PIEZO2: variants seen among roughly 807,000 people sequenced by gnomAD.
The protein encoded by PIEZO2 is piezo type mechanosensitive ion channel component 2.
In PIEZO2, 172 loss-of-function variants were observed where a neutral mutation model predicts 337.3. That is an observed-to-expected ratio of 0.51 (90% confidence interval 0.45 to 0.58). PIEZO2 has a LOEUF of 0.58. Ranked by LOEUF, PIEZO2 falls within the 20% of genes least tolerant of loss-of-function variation. The pLI, the probability that PIEZO2 is intolerant of heterozygous loss-of-function variation, is 0.00. For synonymous variants in PIEZO2, 1,251 were observed against 1,228.5 expected (o/e 1.02, Z -0.38); for missense variants, 3,028 against 3,391.3 (o/e 0.89, Z 2.66).
chr18:10,921,549 C>T (rs545094081), intron 3 of PIEZO2, among the ~76,000 whole-genome samples: 13 of 152,138 alleles, frequency 8.5e-5, no homozygotes, highest in East Asian at 5.8e-4. Flanking sequence ...GGATGTATGT[C>T]GCCTCAGGAC....
At chr18:10,838,665 C>G (rs2041095994) in intron 7 of PIEZO2, among the ~76,000 whole-genome samples, 1 of 152,206 alleles carries the variant, frequency 6.6e-6, no homozygotes, top group South Asian at 2.1e-4. Context: ...CACAGGCATT[C>G]TTTCTCTGAT....
intron 2 of PIEZO2, among the ~76,000 whole-genome samples, chr18:10,994,128 A>G (rs115878592): frequency 1.8e-3 from 273 of 152,276 alleles, no homozygotes; most frequent in African/African-American, 6.3e-3. Flanking sequence ...TTCCTAAATT[A>G]CTTCATTTAC....
intron 7 of PIEZO2, among the ~76,000 whole-genome samples, chr18:10,848,986 G>C (rs12457914): frequency 0.099 from 15,003 of 152,182 alleles, 1,582 homozygotes; most frequent in African/African-American, 0.26. Context: ...TTGTCAAGAA[G>C]TGTCTTTAGA....
chr18:10,898,723 A>G (rs2042969138), intron 4 of PIEZO2, among the ~76,000 whole-genome samples: 3 of 152,132 alleles, frequency 2.0e-5, no homozygotes, highest in Admixed American at 1.3e-4. Context: ...CAGGGAAGGG[A>G]GGGTTAGCCT....
At position 10,775,846 on chromosome 18, in the gene PIEZO2, C is replaced by A. The variant is rs990750073; in HGVS notation, c.2535-1808G>T. Among the ~76,000 whole-genome samples, 2 of 152,032 alleles carry A rather than the reference C, an allele frequency of 1.3e-5. No homozygotes were observed. Among genetic ancestry groups the A allele is most frequent in the African/African-American group, 2.4e-5 (1 of 41,388 alleles). ...ATCCAACACTGCTCATTCCCTCTGA[C>A]CTTAGAGCCACAAACTCCAGACCCT... On this transcript the variant is annotated intron_variant, in intron 18 of 55. Transcript: ENST00000674853. This position sits in a 1 kb window ranked among gnomAD's most constrained non-coding sequence, Gnocchi z 4.3.
At chr18:10,774,500 G>A (rs1460118970) in intron 18 of PIEZO2, among the ~76,000 whole-genome samples, 3 of 152,144 alleles carry the variant, frequency 2.0e-5, no homozygotes, top group African/African-American at 7.2e-5. Flanking sequence ...TCTGCATCAT[G>A]TCCCCACCTG....
Position 10,861,358 on chromosome 18 carries a change from T to A in PIEZO2, c.493-4147A>T, listed in dbSNP as rs973989774. On this transcript the variant is annotated intron_variant, in intron 5 of 55. Transcript: ENST00000674853. The surrounding 1 kb of genome is among the most constrained non-coding windows in gnomAD (Gnocchi z 4.3). ...AAATGATTATACAGATTATTGACCA[T>A]GTCAAAATCTAAAACTTATTTAAAG... 6.6e-6 allele frequency among the ~76,000 whole-genome samples: 1 copy of A among 152,254 alleles called. No individual in the cohort carries two copies.
At chr18:11,013,548 A>G (rs1872032) in intron 2 of PIEZO2, among the ~76,000 whole-genome samples, 81,716 of 152,110 alleles carry the variant, frequency 0.54, 22,233 homozygotes, top group African/African-American at 0.6. Flanking sequence ...CTATCAACTC[A>G]AATAACTAAT....
intron 14 of PIEZO2, among the ~76,000 whole-genome samples, chr18:10,790,746 C>T (rs1001853557): frequency 6.7e-6 from 1 of 150,002 alleles, no homozygotes; most frequent in African/African-American, 2.4e-5. Flanking sequence ...CGCTCTGTCG[C>T]CCAGGCTGGA....
chr18:10,784,742 C>A lies in PIEZO2; in HGVS notation c.2492+42G>T. ...ACCTAAGGTAGGGTTGAAGAGCTGC[C>A]TTCCTGCTAATAAGAGGTCTGTGTT... On this transcript the variant is annotated intron_variant, in intron 17 of 55. Coordinates refer to ENST00000674853, the MANE Select transcript of PIEZO2 (RefSeq NM_001378183.1). The surrounding 1 kb of genome is among the most constrained non-coding windows in gnomAD (Gnocchi z 4.5). 6.8e-7 allele frequency: 1 copy of A among 1,461,958 alleles called. No individual in the cohort carries two copies. The highest frequency in any genetic ancestry group is 1.4e-5 in the African/African-American group (1 of 71,286). 90.6% of individuals were successfully genotyped at this position (1,461,958 alleles called of 1,614,324 possible).
chr18:10,760,678 T>C (rs2038086639), intron 24 of PIEZO2, among the ~76,000 whole-genome samples: 1 of 152,246 alleles, frequency 6.6e-6, no homozygotes, highest in African/African-American at 2.4e-5. Context: ...TAGATGGCTC[T>C]GGAGATCCAG....
rs528842214 is a variant in PIEZO2 at position 10,806,988 on chromosome 18, C to T, written c.1080+124G>A. On this transcript the variant is annotated intron_variant, in intron 8 of 55. Coordinates refer to ENST00000674853, the MANE Select transcript of PIEZO2 (RefSeq NM_001378183.1). ...CTTTGCAGAATTAAAACATCATACC[C>T]AGAACACTAGAGTTGTGTTGGAATA... The T allele has an allele frequency of 1.3e-5, 13 of 1,002,058 alleles. No homozygotes were observed. In the East Asian group the frequency reaches 3.4e-4, roughly 26 times the overall value. The allele number at this position is 1,002,058 out of a possible 1,614,324, so 62.1% of individuals were successfully genotyped here.
In PIEZO2 at chr18:10,956,589, G is replaced by C. The variant is rs146875359; in HGVS notation, c.286+22946C>G. 2.2e-3 allele frequency among the ~76,000 whole-genome samples: 333 copies of C among 152,276 alleles called. 1 individual carries two copies. Among genetic ancestry groups the C allele is most frequent in the African/African-American group, 7.5e-3 (312 of 41,552 alleles). The stretch of plus-strand genomic sequence containing the variant: ...AAACAGCTAAAACAATCTTGGACAA[G>C]GCAAAACAAGCCTGGAGGCATCACA... On this transcript the variant is annotated intron_variant, in intron 3 of 55. Transcript: ENST00000674853.
At position 10,894,858 on chromosome 18, in the gene PIEZO2, T is replaced by G. The variant is rs1280239479; in HGVS notation, c.329+16328A>C. 6.6e-6 allele frequency: 1 copy of G among 152,258 alleles called. No individual in the cohort carries two copies. The highest frequency in any genetic ancestry group is 1.5e-5 in the Non-Finnish European group (1 of 68,056). The allele number at this position is 152,258 out of a possible 1,614,324, so 9.4% of individuals were successfully genotyped here. Reference sequence around the variant, plus strand: ...GCCTTGTGCCCCTCAGTCAGATTCTTTCATCTGAGGAGGGAAGAATTGAAG... The same window carrying G: ...GCCTTGTGCCCCTCAGTCAGATTCTGTCATCTGAGGAGGGAAGAATTGAAG... On this transcript the variant is annotated intron_variant, in intron 4 of 55. Coordinates refer to ENST00000674853, the MANE Select transcript of PIEZO2 (RefSeq NM_001378183.1). The surrounding 1 kb of genome is among the most constrained non-coding windows in gnomAD (Gnocchi z 4.1).
Position 10,781,472 on chromosome 18 carries a change from A to AC in PIEZO2, c.2493-1107_2493-1106insG, listed in dbSNP as rs144317940. ...GCAACAGAGCGAGACTCCGTTTCAAATAAAAAAAAAAACCAGTAATGAATA... is the reference window on the plus strand; with the variant it reads ...GCAACAGAGCGAGACTCCGTTTCAAACTAAAAAAAAAAACCAGTAATGAATA... On this transcript the variant is annotated intron_variant, in intron 17 of 55. Transcript: ENST00000674853. This position sits in a 1 kb window ranked among gnomAD's most constrained non-coding sequence, Gnocchi z 4.1. Among the ~76,000 whole-genome samples the AC allele has an allele frequency of 1.5e-5, 2 of 131,860 alleles. No individual in the cohort carries two copies. The highest frequency in any genetic ancestry group is 6.3e-5 in the African/African-American group (2 of 31,714). The allele number at this position is 131,860 out of a possible 152,430, so 86.5% of individuals were successfully genotyped here.
intron 3 of PIEZO2, among the ~76,000 whole-genome samples, chr18:10,975,631 G>A (rs1479060100): frequency 6.6e-6 from 1 of 152,146 alleles, no homozygotes; most frequent in East Asian, 1.9e-4. Flanking sequence ...GGAGGAACGA[G>A]AACTTTCAAT....
chr18:10,778,496 C>T (rs1010480213), intron 18 of PIEZO2, among the ~76,000 whole-genome samples: 1 of 152,096 alleles, frequency 6.6e-6, no homozygotes, highest in Non-Finnish European at 1.5e-5. Flanking sequence ...CCACACCCAG[C>T]TAATTTTTTG....
Position 11,127,616 on chromosome 18 carries a change from C to T in PIEZO2, c.64+20909G>A, listed in dbSNP as rs924651542. 1.3e-5 allele frequency among the ~76,000 whole-genome samples: 2 copies of T among 151,920 alleles called. No individual in the cohort carries two copies. The highest frequency in any genetic ancestry group is 2.1e-4 in the South Asian group (1 of 4,818). On this transcript the variant is annotated intron_variant, in intron 1 of 55. Transcript: ENST00000674853. This position sits in a 1 kb window ranked among gnomAD's most constrained non-coding sequence, Gnocchi z 4.5. ...GAGACTCAGACTGGCTCTCCTTGCT[C>T]CTCAGCTTGCAGAAAGCCTATTGTG...
rs1359192055 is a variant in PIEZO2 at position 11,083,664 on chromosome 18, T to C, written c.65-17442A>G. Among the ~76,000 whole-genome samples, 1 of 152,010 alleles carries C rather than the reference T, an allele frequency of 6.6e-6. No individual in the cohort carries two copies. Among genetic ancestry groups the C allele is most frequent in the Admixed American group, 6.6e-5 (1 of 15,244 alleles). On this transcript the variant is annotated intron_variant, in intron 1 of 55. Transcript: ENST00000674853. This position sits in a 1 kb window ranked among gnomAD's most constrained non-coding sequence, Gnocchi z 4.4. Reference sequence around the variant, plus strand: ...GTTTTGCCTTTAATCCGATGTGAGGTAGAATCATTTAGGACACTTAGTAGG... The same window carrying C: ...GTTTTGCCTTTAATCCGATGTGAGGCAGAATCATTTAGGACACTTAGTAGG...
Sources: gnomAD v4.1 joint callset for allele counts (sites outside exome capture counted in the v4.1 genomes callset) on GRCh38, gnomAD v4.1.1 for gene constraint, Gnocchi (gnomAD v3.1) non-coding constraint, MANE v1.5 for transcripts, NCBI Gene and HGNC (gene_info 2026-07-23, HGNC 2026-07-21) for gene names.